The following H3C4 variants were observed in gnomAD, a reference collection of about 807,000 sequenced individuals.
H3C4 encodes the protein histone H3.1.
In H3C4, 10 loss-of-function variants were observed where a neutral mutation model predicts 8.7. The ratio of observed to expected loss-of-function variants is 1.15; its 90% CI spans 0.71 to 1.96. The LOEUF (loss-of-function observed/expected upper bound fraction) is 1.96, where lower values mean the gene tolerates loss of function less well. Ranked by LOEUF, H3C4 falls within the 30% of genes most tolerant of loss-of-function variation. H3C4 has a pLI of 0.00. For synonymous variants in H3C4, 141 were observed against 80.1 expected, an observed-to-expected ratio of 1.76 and a Z score of -4.06; for missense variants, 216 against 192.9, an observed-to-expected ratio of 1.12 and a Z score of -0.71.
Position 26,196,857 on chromosome 6 carries a change from G to T in H3C4, c.394C>A (p.Arg132Ser). The T allele has an allele frequency of 6.2e-7, 1 of 1,614,192 alleles. No homozygotes were observed. Residue 132 changes from arginine to serine, a missense_variant, in exon 1 of 1, where the codon CGT (arginine) becomes AGT (serine). By Grantham distance (110) the Arg-to-Ser change is moderately radical. Transcript: ENST00000356476. Reference sequence around the variant, plus strand: ...AAGACAATTTACGCCCTCTCCCCACGAATGCGGCGAGCAAGCTGGATGTCC... The same window carrying T: ...AAGACAATTTACGCCCTCTCCCCACTAATGCGGCGAGCAAGCTGGATGTCC... ...PKDIQLARRI[R>S]GERA is the part of the protein sequence containing the mutation.
At chr6:26,198,649 T>C (rs1218116036), upstream of H3C4, among the ~76,000 whole-genome samples, 1 of 152,192 alleles carries the variant, frequency 6.6e-6, no homozygotes, top group Non-Finnish European at 1.5e-5. Context: ...TTATGTATTT[T>C]TATGGCATCT....
At chr6:26,197,811 C>G (rs1386283910), upstream of H3C4, among the ~76,000 whole-genome samples, 1 of 112,648 alleles carries the variant, frequency 8.9e-6, no homozygotes, top group Non-Finnish European at 1.8e-5. Flanking sequence ...AATTTCACCA[C>G]AATATGTCAT....
At chr6:26,198,167 G>A (rs1032150033), upstream of H3C4, among the ~76,000 whole-genome samples, 2 of 152,136 alleles carry the variant, frequency 1.3e-5, no homozygotes, top group African/African-American at 4.8e-5. Context: ...GTTGCTTTAA[G>A]TCACTAACTA....
In H3C4 at chr6:26,196,936, A is replaced by C; in HGVS notation, c.315T>G (p.Phe105Leu). 1 of 1,614,240 alleles carries C rather than the reference A, an allele frequency of 6.2e-7. No individual in the cohort carries two copies. The change falls in exon 1 of 1, where the codon TTT becomes TTG. Residue 105 changes from phenylalanine to leucine, a missense_variant. Transcript: ENST00000356476. ...GAATGGCGCATAGGTTGGTGTCCTC[A>C]AACAGCCCCACCAGGTAGGCCTCGC... ...EACEAYLVGL[F>L]EDTNLCAIHA...
chr6:26,198,832 CA>C (rs1393485227), upstream of H3C4: 2 of 1,606,220 alleles, frequency 1.2e-6, no homozygotes, highest in African/African-American at 1.3e-5. Context: ...CTTAAAAAGC[CA>C]ATATAAGAGT....
chr6:26,196,820 GC>G lies in H3C4; in HGVS notation c.*19del. 6.2e-7 allele frequency: 1 copy of G among 1,613,968 alleles called. No homozygotes were observed. Among genetic ancestry groups the G allele is most frequent in the Non-Finnish European group, 8.5e-7 (1 of 1,179,880 alleles). ...GAAAAGAGCCTTTGGGTTTTGGTTA[GC>G]ACACATTCACAAGACAATTTACGCC... On this transcript the variant is annotated 3_prime_UTR_variant, in exon 1 of 1. Transcript: ENST00000356476.
At position 26,196,948 on chromosome 6, in the gene H3C4, CA is replaced by C; in HGVS notation, c.302del (p.Leu101ArgfsTer18). 1 of 1,614,258 alleles carries C rather than the reference CA, an allele frequency of 6.2e-7. No individual in the cohort carries two copies. Among genetic ancestry groups the C allele is most frequent in the Non-Finnish European group, 8.5e-7 (1 of 1,180,040 alleles). ...MALQEACEAY[L>X]VGLFEDTNLC... ...GGTTGGTGTCCTCAAACAGCCCCAC[CA>C]GGTAGGCCTCGCAGGCCTCCTGCAG... On this transcript the variant is annotated frameshift_variant, in exon 1 of 1. Coordinates refer to ENST00000356476, the MANE Select transcript of H3C4 (RefSeq NM_001376937.1). LOFTEE classifies it high-confidence loss of function.
chr6:26,199,120 C>A, upstream of H3C4: 1 of 1,614,204 alleles, frequency 6.2e-7, no homozygotes, highest in East Asian at 2.2e-5. Flanking sequence ...CCGACTCGCT[C>A]GGAGTAGTTG....
upstream of H3C4, chr6:26,197,308 C>A (rs1581448900): frequency 6.4e-7 from 1 of 1,562,562 alleles, no homozygotes; most frequent in Non-Finnish European, 8.7e-7. Flanking sequence ...CTTTCGTACC[C>A]GTATATATAA....
upstream of H3C4, chr6:26,197,307 C>G (rs139553692): frequency 6.4e-7 from 1 of 1,563,444 alleles, no homozygotes; most frequent in Non-Finnish European, 8.7e-7. Context: ...CCTTTCGTAC[C>G]CGTATATATA....
chr6:26,199,195 T>A (rs878991364), upstream of H3C4: 1 of 1,613,672 alleles, frequency 6.2e-7, no homozygotes, highest in East Asian at 2.2e-5. Context: ...GAAGAGCGGG[T>A]CTTAGCCTTA....
rs1414494355 is a variant in H3C4 at position 26,196,899 on chromosome 6, C to G, written c.352G>C (p.Val118Leu). 2 of 1,614,246 alleles carry G rather than the reference C, an allele frequency of 1.2e-6. No homozygotes were observed. Among genetic ancestry groups the G allele is most frequent in the Admixed American group, 1.7e-5 (1 of 60,024 alleles). The part of the protein sequence containing the change: ...TNLCAIHAKR[V>L]TIMPKDIQLA... ...TGGATGTCCTTGGGCATGATAGTCA[C>G]TCGCTTGGCGTGAATGGCGCATAGG... The change falls in exon 1 of 1, where the codon GTG becomes CTG. Residue 118 changes from valine to leucine, a missense_variant. Coordinates refer to ENST00000356476, the MANE Select transcript of H3C4 (RefSeq NM_001376937.1).
upstream of H3C4, chr6:26,198,819 T>G (rs921757485): frequency 6.2e-7 from 1 of 1,601,002 alleles, no homozygotes; most frequent in African/African-American, 1.4e-5. Flanking sequence ...TTAAGACTGC[T>G]TCCTTAAAAA....
At chr6:26,198,837 T>A, upstream of H3C4, 2 of 1,610,754 alleles carry the variant, frequency 1.2e-6, no homozygotes, top group Non-Finnish European at 1.7e-6. Context: ...AAAGCCAATA[T>A]AAGAGTTCTC....
In H3C4 at chr6:26,196,832, A is replaced by T. The variant is rs772364594; in HGVS notation, c.*8T>A. On this transcript the variant is annotated 3_prime_UTR_variant, in exon 1 of 1. Transcript: ENST00000356476. ...TGGGTTTTGGTTAGCACACATTCAC[A>T]AGACAATTTACGCCCTCTCCCCACG... is the stretch of plus-strand genomic sequence containing the variant. 1 of 1,614,180 alleles carries T rather than the reference A, an allele frequency of 6.2e-7. No homozygotes were observed. The highest frequency in any genetic ancestry group is 1.1e-5 in the South Asian group (1 of 91,092).
upstream of H3C4, chr6:26,199,210 G>C (rs374947872): frequency 2.1e-5 from 33 of 1,608,714 alleles, no homozygotes; most frequent in Non-Finnish European, 2.6e-5. Context: ...GCCTTAGCTC[G>C]GGCCTTTCCG....
chr6:26,198,120 T>C (rs1425895557), upstream of H3C4, among the ~76,000 whole-genome samples: 1 of 152,184 alleles, frequency 6.6e-6, no homozygotes, highest in Non-Finnish European at 1.5e-5. Flanking sequence ...ATCATTAAGA[T>C]GCATACAAAA....
rs1339846386 is a variant in H3C4, at chr6:26,197,114, G to C, written c.137C>G (p.Thr46Arg). Residue 46 changes from threonine (T) to arginine (R), a missense_variant, in exon 1 of 1, where the codon ACG becomes AGG. Coordinates refer to ENST00000356476, the MANE Select transcript of H3C4 (RefSeq NM_001376937.1). ...GCGGCGGATCTCGCGCAGAGCCACC[G>C]TGCCGGGCCGGTAACGGTGGGGCTT... ...VKKPHRYRPG[T>R]VALREIRRYQ... The C allele has an allele frequency of 6.2e-7, 1 of 1,614,088 alleles. No homozygotes were observed. Among genetic ancestry groups the C allele is most frequent in the African/African-American group, 1.3e-5 (1 of 74,938 alleles).
upstream of H3C4, chr6:26,197,401 T>G (rs1044480271): frequency 2.9e-6 from 2 of 698,450 alleles, no homozygotes; most frequent in African/African-American, 1.8e-5. Flanking sequence ...ACAGAACATC[T>G]CCTGCATGTA....
Sources: allele counts gnomAD v4.1 joint callset (sites outside exome capture counted in the v4.1 genomes callset), GRCh38; gene constraint gnomAD v4.1.1; transcripts MANE v1.5; gene names NCBI Gene and HGNC (gene_info 2026-07-23, HGNC 2026-07-21).